GALM: variants seen among roughly 807,000 people sequenced by gnomAD.
The protein encoded by GALM is galactose mutarotase, also known as aldose 1-epimerase.
In GALM, 43 loss-of-function variants were observed where a neutral mutation model predicts 37.4. That is an observed-to-expected ratio of 1.15 (90% CI 0.90 to 1.48). The LOEUF (loss-of-function observed/expected upper bound fraction) is 1.48, where lower values mean the gene tolerates loss of function less well. GALM is among the 40% of genes most tolerant of loss of function. GALM has a pLI of 0.00. For synonymous variants in GALM, 199 were observed against 170.6 expected, an observed-to-expected ratio of 1.17 and a Z score of -1.30; for missense variants, 456 against 419.1, an observed-to-expected ratio of 1.09 and a Z score of -0.77.
intron 4 of GALM, among the ~76,000 whole-genome samples, chr2:38,722,957 G>A (rs541452556): frequency 6.6e-6 from 1 of 152,180 alleles, no homozygotes; most frequent in East Asian, 1.9e-4. Flanking sequence ...CAAAGTAAGG[G>A]GACGGGATGA....
chr2:38,703,012 C>T (rs1665949260), intron 4 of GALM, among the ~76,000 whole-genome samples: 1 of 104,616 alleles, frequency 9.6e-6, no homozygotes, highest in African/African-American at 3.7e-5. Context: ...ATCCTAGCTA[C>T]TCAGGAGGCT....
chr2:38,729,802 A>G (rs1465192921), intron 5 of GALM, 105 bp downstream of exon 5: 5 of 947,630 alleles, frequency 5.3e-6, no homozygotes, highest in Non-Finnish European at 8.2e-6. Flanking sequence ...TTACTATGCT[A>G]CAAGTGACCC....
chr2:38,728,582 G>A (rs1666533472), intron 4 of GALM, among the ~76,000 whole-genome samples: 1 of 152,076 alleles, frequency 6.6e-6, no homozygotes, highest in Admixed American at 6.6e-5. Context: ...CTACTCATGA[G>A]GCTGAGACAG....
chr2:38,681,330 C>T lies in GALM; in HGVS notation c.396C>T (p.Ile132=). 6.2e-7 allele frequency: 1 copy of T among 1,614,010 alleles called. No individual in the cohort carries two copies. Among genetic ancestry groups the T allele is most frequent in the Non-Finnish European group, 8.5e-7 (1 of 1,180,034 alleles). ...CAAATGGCGTCCAGTTCTCGCGCAT[C>T]AGTCCAGATGGTGAAGAAGGCTACC... is the stretch of plus-strand genomic sequence containing the variant. The part of the protein sequence containing the change: ...VLSNGVQFSR[I]SPDGEEGYPG... Residue 132 remains isoleucine, a synonymous_variant, in exon 3 of 7, where the codon ATC becomes ATT. Transcript: ENST00000272252.
At chr2:38,669,627 G>C (rs952229947) in intron 1 of GALM, 4 of 152,158 alleles carry the variant, frequency 2.6e-5, no homozygotes, top group African/African-American at 7.2e-5. Flanking sequence ...GCTCACGCCT[G>C]TAATCCCAGC....
intron 4 of GALM, among the ~76,000 whole-genome samples, chr2:38,724,431 T>C (rs1446459438): frequency 6.6e-6 from 1 of 152,166 alleles, no homozygotes; most frequent in African/African-American, 2.4e-5. Flanking sequence ...TCTTGAACGA[T>C]CAATTGGACT....
In GALM at chr2:38,725,805, G is replaced by A. The variant is rs948717099; in HGVS notation, c.635-3751G>A. On this transcript the variant is annotated intron_variant, in intron 4 of 6. Coordinates refer to ENST00000272252, the MANE Select transcript of GALM (RefSeq NM_138801.3). Reference sequence around the variant, plus strand: ...TGGCTCACCACAACCTCCATCTCCCGGGTTCAAGCGATTCTTGTGCCTCAG... The same window carrying A: ...TGGCTCACCACAACCTCCATCTCCCAGGTTCAAGCGATTCTTGTGCCTCAG... Among the ~76,000 whole-genome samples, 5 of 151,706 alleles carry A rather than the reference G, an allele frequency of 3.3e-5. No homozygotes were observed. The South Asian group carries it at 6.2e-4, about 19-fold the overall frequency.
intron 4 of GALM, among the ~76,000 whole-genome samples, chr2:38,717,599 C>T (rs893995803): frequency 2.0e-5 from 3 of 151,906 alleles, no homozygotes; most frequent in Non-Finnish European, 2.9e-5. Context: ...AGGGTTTTGC[C>T]GTGTTGGCCA....
intron 1 of GALM, among the ~76,000 whole-genome samples, chr2:38,670,614 T>C (rs1010715339): frequency 5.3e-5 from 8 of 152,348 alleles, no homozygotes; most frequent in African/African-American, 1.9e-4. Context: ...TAATGAGCCA[T>C]GGGCTGTGAT....
chr2:38,698,454 G>A (rs1665854076), intron 4 of GALM: 1 of 1,260,448 alleles, frequency 7.9e-7, no homozygotes, highest in Non-Finnish European at 1.0e-6. Context: ...GTCAGGCTGT[G>A]TTTGGATGTT....
intron 4 of GALM, among the ~76,000 whole-genome samples, chr2:38,722,639 T>G (rs1666407106): frequency 6.6e-6 from 1 of 152,320 alleles, no homozygotes; most frequent in African/African-American, 2.4e-5. Flanking sequence ...CCCCTTCCAT[T>G]TCCGCTTCTT....
intron 5 of GALM, among the ~76,000 whole-genome samples, chr2:38,730,518 G>A (rs1666585459): frequency 6.6e-6 from 1 of 152,126 alleles, no homozygotes; most frequent in Non-Finnish European, 1.5e-5. Context: ...ACCCACCTCG[G>A]CCTCCCAAAG....
intron 1 of GALM, among the ~76,000 whole-genome samples, chr2:38,675,543 T>TGGG (rs1275396679): frequency 3.0e-5 from 1 of 33,658 alleles, no homozygotes. Flanking sequence ...TTTTTTTTTT[T>TGGG]TGTGTGTGTG....
rs1211094486 is a variant in GALM at position 38,733,758 on chromosome 2, C to G, written c.*193C>G. ...CTGGCTCCAGGCCATGTCTAATGAC[C>G]AGCTCGATTCCCTGTGCAGTTCAGA... On this transcript the variant is annotated 3_prime_UTR_variant, in exon 7 of 7. Coordinates refer to ENST00000272252, the MANE Select transcript of GALM (RefSeq NM_138801.3). 5 of 580,344 alleles carry G rather than the reference C, an allele frequency of 8.6e-6. No homozygotes were observed. In the African/African-American group the frequency reaches 9.3e-5, roughly 11 times the overall value. 35.9% of individuals were successfully genotyped at this position (580,344 alleles called of 1,614,324 possible).
intron 4 of GALM, among the ~76,000 whole-genome samples, chr2:38,702,932 T>TTATATATATATATATA (rs202010853): frequency 2.7e-4 from 36 of 134,878 alleles, no homozygotes; most frequent in African/African-American, 9.2e-4. Flanking sequence ...TATATACTTT[T>TTATATATATATATATA]TATATATATA....
intron 1 of GALM, among the ~76,000 whole-genome samples, chr2:38,675,457 G>A (rs1426622057): frequency 6.6e-6 from 1 of 150,950 alleles, no homozygotes; most frequent in Non-Finnish European, 1.5e-5. Context: ...ATGTTACCAT[G>A]TGCAGCATTC....
intron 4 of GALM, among the ~76,000 whole-genome samples, chr2:38,715,819 C>G (rs941559427): frequency 6.6e-6 from 1 of 152,176 alleles, no homozygotes; most frequent in African/African-American, 2.4e-5. Context: ...TGAGTACTTA[C>G]CACTTGCTGA....
rs1439746083 is a variant in GALM, at chr2:38,711,180, G to A, written c.635-18376G>A. ...AGATAGCCTTTTTTTTTTTTTTTGA[G>A]ACGGAGTCTCGCTCTGTTGCCCAGG... On this transcript the variant is annotated intron_variant, in intron 4 of 6. Coordinates refer to ENST00000272252, the MANE Select transcript of GALM (RefSeq NM_138801.3). 2.3e-5 allele frequency among the ~76,000 whole-genome samples: 3 copies of A among 131,252 alleles called. No homozygotes were observed. In the East Asian group the frequency reaches 7.2e-4, roughly 32 times the overall value. 86.1% of individuals were successfully genotyped at this position (131,252 alleles called of 152,430 possible).
In GALM at chr2:38,702,593, T is replaced by C. The variant is rs184827263; in HGVS notation, c.634+12699T>C. On this transcript the variant is annotated intron_variant, in intron 4 of 6. Coordinates refer to ENST00000272252, the MANE Select transcript of GALM (RefSeq NM_138801.3). Reference sequence around the variant, plus strand: ...GAAACTGTAGATTCTTTCTTGCTTATGGTTTTTGTAATGACATCAGCCATT... The same window carrying C: ...GAAACTGTAGATTCTTTCTTGCTTACGGTTTTTGTAATGACATCAGCCATT... 2.2e-3 allele frequency among the ~76,000 whole-genome samples: 338 copies of C among 152,252 alleles called. 1 individual carries two copies. Among genetic ancestry groups the C allele is most frequent in the African/African-American group, 7.8e-3 (326 of 41,542 alleles).
Sources: allele counts gnomAD v4.1 joint callset (sites outside exome capture counted in the v4.1 genomes callset), GRCh38; gene constraint gnomAD v4.1.1; transcripts MANE v1.5; gene names NCBI Gene and HGNC (gene_info 2026-07-23, HGNC 2026-07-21).